FRMD6: variants seen among roughly 807,000 people sequenced by gnomAD.
The protein encoded by FRMD6 is FERM domain containing 6.
Under a neutral mutation model 73.2 loss-of-function variants are expected in FRMD6, and 37 were observed. The observed-to-expected ratio is 0.51, with a 90% CI of 0.39 to 0.66. The LOEUF (loss-of-function observed/expected upper bound fraction) is 0.66, where lower values mean the gene tolerates loss of function less well. FRMD6 is among the 30% of genes least tolerant of loss of function. The pLI is 0.00. For synonymous variants in FRMD6, 273 were observed against 282.2 expected, an observed-to-expected ratio of 0.97 and a Z score of 0.33; for missense variants, 714 against 780.5, an observed-to-expected ratio of 0.91 and a Z score of 1.02.
chr14:51,427,912 G>A, the FRMD6 span, among the ~76,000 whole-genome samples: 2 of 152,252 alleles, frequency 1.3e-5, no homozygotes, highest in African/African-American at 2.4e-5. Flanking sequence ...AGCAAACAAC[G>A]GATGTACAAT....
the FRMD6 span, among the ~76,000 whole-genome samples, chr14:51,409,097 TG>T: frequency 6.6e-6 from 1 of 152,128 alleles, no homozygotes; most frequent in Non-Finnish European, 1.5e-5. Flanking sequence ...TTCACAGGGA[TG>T]GGGGCAGGTT....
chr14:51,582,672 T>C (rs1888793110), intron 2 of FRMD6, among the ~76,000 whole-genome samples: 1 of 152,190 alleles, frequency 6.6e-6, no homozygotes, highest in Non-Finnish European at 1.5e-5. Flanking sequence ...TGGAATGTAA[T>C]ATTTGATGTC....
intron 1 of FRMD6, among the ~76,000 whole-genome samples, chr14:51,671,231 G>C (rs760920743): frequency 6.6e-6 from 1 of 152,164 alleles, no homozygotes; most frequent in Non-Finnish European, 1.5e-5. Context: ...ATGTCACCTA[G>C]TTTGGGAAAT....
intron 2 of FRMD6, among the ~76,000 whole-genome samples, chr14:51,616,649 G>A (rs1890728540): frequency 6.6e-6 from 1 of 152,178 alleles, no homozygotes; most frequent in Admixed American, 6.5e-5. Context: ...AAGAACACAG[G>A]CTCAAGGGAA....
intron 1 of FRMD6, among the ~76,000 whole-genome samples, chr14:51,517,405 T>C (rs991741442): frequency 1.1e-4 from 16 of 152,156 alleles, no homozygotes; most frequent in African/African-American, 3.4e-4. Flanking sequence ...GTCACATAGA[T>C]ATAAAAATCC....
chr14:51,602,498 G>A (rs1890079339), intron 2 of FRMD6, among the ~76,000 whole-genome samples: 1 of 152,184 alleles, frequency 6.6e-6, no homozygotes, highest in East Asian at 1.9e-4. Flanking sequence ...ACTATTTTAT[G>A]ACACATGAAA....
the FRMD6 span, among the ~76,000 whole-genome samples, chr14:51,434,350 G>A: frequency 6.6e-6 from 1 of 152,160 alleles, no homozygotes; most frequent in Non-Finnish European, 1.5e-5. Context: ...TGTAGAATTG[G>A]TTGACTCCAG....
chr14:51,686,415 A>G (rs1329762035), intron 1 of FRMD6, among the ~76,000 whole-genome samples: 1 of 152,102 alleles, frequency 6.6e-6, no homozygotes, highest in Non-Finnish European at 1.5e-5. Context: ...TTGAATGCCC[A>G]TGGGTGGTGG....
chr14:51,711,503 A>G (rs1387822574), intron 7 of FRMD6, 28 bp from the exon 8 acceptor site: 7 of 1,467,858 alleles, frequency 4.8e-6, no homozygotes, highest in Non-Finnish European at 6.6e-6. Flanking sequence ...AAAAACATTT[A>G]ATTTTTTATA....
At chr14:51,664,728 G>A (rs533392471) in intron 1 of FRMD6, among the ~76,000 whole-genome samples, 4 of 152,304 alleles carry the variant, frequency 2.6e-5, no homozygotes, top group African/African-American at 7.2e-5. Flanking sequence ...GTGGGTTGTG[G>A]TATATGCATA....
At chr14:51,422,624 T>C in the FRMD6 span, among the ~76,000 whole-genome samples, 396 of 152,354 alleles carry the variant, frequency 2.6e-3, 3 homozygotes, top group African/African-American at 9.1e-3. Flanking sequence ...TTTATTGCAA[T>C]AAAATTGATT....
At chr14:51,577,571 A>G (rs1313488455) in intron 2 of FRMD6, among the ~76,000 whole-genome samples, 1 of 152,188 alleles carries the variant, frequency 6.6e-6, no homozygotes, top group Non-Finnish European at 1.5e-5. Flanking sequence ...CGTCAATTTG[A>G]TAATTGCTAT....
intron 1 of FRMD6, among the ~76,000 whole-genome samples, chr14:51,496,455 A>G (rs1028526459): frequency 1.3e-5 from 2 of 152,148 alleles, no homozygotes; most frequent in African/African-American, 4.8e-5. Flanking sequence ...CGTCACTCCC[A>G]TGTCTGGGGC....
intron 7 of FRMD6, 78 bp from the exon 8 acceptor site, chr14:51,711,453 T>C: frequency 8.7e-6 from 8 of 923,064 alleles, no homozygotes; most frequent in Non-Finnish European, 1.3e-5. Flanking sequence ...TCCTGAAATG[T>C]TTCTTTGGTG....
intron 2 of FRMD6, among the ~76,000 whole-genome samples, chr14:51,590,989 C>G (rs1889352218): frequency 6.6e-6 from 1 of 152,240 alleles, no homozygotes; most frequent in Non-Finnish European, 1.5e-5. Context: ...TCTTCCTCAA[C>G]TGCATCTTTA....
intron 1 of FRMD6, among the ~76,000 whole-genome samples, chr14:51,523,990 C>T (rs951256662): frequency 2.6e-5 from 4 of 152,164 alleles, no homozygotes; most frequent in Non-Finnish European, 5.9e-5. Context: ...ATAAAGCCTC[C>T]AGAACAATGC....
At chr14:51,492,982 T>G (rs559177650) in intron 1 of FRMD6, among the ~76,000 whole-genome samples, 5 of 152,294 alleles carry the variant, frequency 3.3e-5, no homozygotes, top group Non-Finnish European at 7.3e-5. Context: ...ATGGTTCATC[T>G]CATTTAATCT....
intron 2 of FRMD6, among the ~76,000 whole-genome samples, chr14:51,695,301 ATTGT>A (rs1195049400): frequency 6.6e-6 from 1 of 152,186 alleles, no homozygotes; most frequent in Non-Finnish European, 1.5e-5. Context: ...CTTCTTTATC[ATTGT>A]TTAAGTTTAT....
chr14:51,406,501 C>G, the FRMD6 span, among the ~76,000 whole-genome samples: 1 of 152,090 alleles, frequency 6.6e-6, no homozygotes. Context: ...TTTCTTTGAA[C>G]AGTATTTTGT....
Sources: allele counts gnomAD v4.1 joint callset (sites outside exome capture counted in the v4.1 genomes callset), GRCh38; gene constraint gnomAD v4.1.1; transcripts MANE v1.5; gene names NCBI Gene and HGNC (gene_info 2026-07-23, HGNC 2026-07-21).